Variants in MYLK4 observed in about 807,000 individuals in gnomAD.
MYLK4 encodes myosin light chain kinase family member 4, also known as caMLCK like.
Under a neutral mutation model 48.1 loss-of-function variants are expected in MYLK4, and 46 were observed. The ratio of observed to expected loss-of-function variants is 0.96; its 90% CI spans 0.75 to 1.22. MYLK4 has a LOEUF of 1.22. Among genes scored for constraint, MYLK4 ranks in the 50% most tolerant of loss-of-function variants. The pLI, the probability that MYLK4 is intolerant of heterozygous loss-of-function variation, is 0.00. For missense variants in MYLK4, 451 were observed against 486.1 expected (o/e 0.93, Z 0.68); for synonymous variants, 170 against 180.8 (o/e 0.94, Z 0.48).
chr6:2,765,872 GCCA>G, the MYLK4 span: 1 of 1,445,508 alleles, frequency 6.9e-7, no homozygotes, highest in South Asian at 1.3e-5. Flanking sequence ...GAAGCAGCCA[GCCA>G]CCCCGACGGC....
Position 2,749,172 on chromosome 6 carries a change from A to T in MYLK4, c.123T>A (p.Asn41Lys). The change falls in exon 2 of 13, where the codon AAT becomes AAA. Residue 41 changes from asparagine (N) to lysine (K), a missense_variant. Transcript: ENST00000274643. Reference sequence around the variant, plus strand: ...CAGATCTTGAATCCTGGTCCCCAGAATTTTTTTCCAGAAAACACTTCACTT... The same window carrying T: ...CAGATCTTGAATCCTGGTCCCCAGATTTTTTTTCCAGAAAACACTTCACTT... Reference protein sequence around the residue: ...VEKVKCFLEKNSGDQDSRSGH... With the variant: ...VEKVKCFLEKKSGDQDSRSGH... 2 of 1,613,802 alleles carry T rather than the reference A, an allele frequency of 1.2e-6. No homozygotes were observed. Among genetic ancestry groups the T allele is most frequent in the Non-Finnish European group, 1.7e-6 (2 of 1,179,884 alleles).
intron 3 of MYLK4, among the ~76,000 whole-genome samples, chr6:2,692,079 C>T (rs1322024601): frequency 6.6e-6 from 1 of 152,186 alleles, no homozygotes; most frequent in Non-Finnish European, 1.5e-5. Flanking sequence ...GTTCTCTTTT[C>T]TCCTCAGCTT....
At chr6:2,733,915 T>A (rs1298379593) in intron 2 of MYLK4, among the ~76,000 whole-genome samples, 2 of 152,068 alleles carry the variant, frequency 1.3e-5, no homozygotes, top group South Asian at 2.1e-4. Context: ...GTGATTCTTA[T>A]CTACAGTGGT....
chr6:2,690,898 C>T (rs1296263914), intron 3 of MYLK4, among the ~76,000 whole-genome samples: 5 of 139,980 alleles, frequency 3.6e-5, no homozygotes, highest in African/African-American at 1.1e-4. Context: ...GGCGCGATCT[C>T]GGCTCACTGC....
At chr6:2,736,980 TA>T (rs1226039899) in intron 2 of MYLK4, among the ~76,000 whole-genome samples, 1 of 152,210 alleles carries the variant, frequency 6.6e-6, no homozygotes, top group Non-Finnish European at 1.5e-5. Flanking sequence ...GTTCCTCCAA[TA>T]AAATAGTCTC....
chr6:2,713,612 C>T lies in MYLK4; in HGVS notation c.160-20753G>A, dbSNP rs76530163. On this transcript the variant is annotated intron_variant, in intron 2 of 12. Coordinates refer to ENST00000274643, the MANE Select transcript of MYLK4 (RefSeq NM_001012418.5). ...TACTTGGAACAACGCTCTCCCTTTA[C>T]GTAACAGGAGGCACAAAGCTGCCCT... 7.1e-3 allele frequency among the ~76,000 whole-genome samples: 1,075 copies of T among 152,246 alleles called. 11 individuals are homozygous for T. The highest frequency in any genetic ancestry group is 0.024 in the African/African-American group (997 of 41,544).
At chr6:2,740,677 C>T (rs2113356777) in intron 2 of MYLK4, among the ~76,000 whole-genome samples, 1 of 152,344 alleles carries the variant, frequency 6.6e-6, no homozygotes, top group East Asian at 1.9e-4. Context: ...GCTCTGCTTT[C>T]TGGTAGGAAC....
In MYLK4 at chr6:2,664,902, T is replaced by C. The variant is rs1760586214; in HGVS notation, c.*3023A>G. 1 of 152,206 alleles carries C rather than the reference T, an allele frequency of 6.6e-6. No individual in the cohort carries two copies. The highest frequency in any genetic ancestry group is 2.4e-5 in the African/African-American group (1 of 41,450). 9.4% of individuals were successfully genotyped at this position (152,206 alleles called of 1,614,324 possible). On this transcript the variant is annotated 3_prime_UTR_variant, in exon 13 of 13. Coordinates refer to ENST00000274643, the MANE Select transcript of MYLK4 (RefSeq NM_001012418.5). ...TGCCCTCCTCTCCCTGATTTTTAAA[T>C]AGCAACAGATTCTGGGTAAGTGTTG...
chr6:2,704,025 A>G (rs1277542685), intron 2 of MYLK4, among the ~76,000 whole-genome samples: 1 of 152,170 alleles, frequency 6.6e-6, no homozygotes, highest in Non-Finnish European at 1.5e-5. Flanking sequence ...TCTGTTGGCC[A>G]CACATCTTCG....
rs917201556 is a variant in MYLK4, at chr6:2,673,005, T to TA, written c.1120-1658dup. ...TTATAAAATGAAATTTATTTTTCAT[T>TA]AAAAAAAACCCATCATCACTCTTGA... is the stretch of plus-strand genomic sequence containing the variant. On this transcript the variant is annotated intron_variant, in intron 11 of 12. Coordinates refer to ENST00000274643, the MANE Select transcript of MYLK4 (RefSeq NM_001012418.5). This position sits in a 1 kb window ranked among gnomAD's most constrained non-coding sequence, Gnocchi z 4.2. Among the ~76,000 whole-genome samples, 1 of 152,064 alleles carries TA rather than the reference T, an allele frequency of 6.6e-6. No homozygotes were observed. Among genetic ancestry groups the TA allele is most frequent in the African/African-American group, 2.4e-5 (1 of 41,390 alleles).
Position 2,679,313 on chromosome 6 carries a change from T to G in MYLK4, c.854A>C (p.Asp285Ala). The stretch of plus-strand genomic sequence containing the variant: ...GGCGATGACCCCCACACTCCACATG[T>G]CAGTGGGAAATGAAACAAAATCATA... ...VNYDFVSFPT[D>A]MWSVGVIAYM... is the part of the protein sequence containing the mutation. The change falls in exon 9 of 13, where the codon GAC becomes GCC. Residue 285 changes from aspartate to alanine, a missense_variant. Coordinates refer to ENST00000274643, the MANE Select transcript of MYLK4 (RefSeq NM_001012418.5). 1 of 1,614,150 alleles carries G rather than the reference T, an allele frequency of 6.2e-7. No homozygotes were observed. Among genetic ancestry groups the G allele is most frequent in the Non-Finnish European group, 8.5e-7 (1 of 1,179,994 alleles).
intron 6 of MYLK4, among the ~76,000 whole-genome samples, chr6:2,683,903 G>C (rs1761424998): frequency 6.6e-6 from 1 of 152,174 alleles, no homozygotes; most frequent in Non-Finnish European, 1.5e-5. Context: ...GTGCTTCTCT[G>C]TGGCTGGTGC....
chr6:2,685,182 C>G lies in MYLK4; in HGVS notation c.545+114G>C. 1.4e-6 allele frequency: 1 copy of G among 737,566 alleles called. No homozygotes were observed. Among genetic ancestry groups the G allele is most frequent in the South Asian group, 1.6e-5 (1 of 64,008 alleles). The allele number at this position is 737,566 out of a possible 1,614,324, so 45.7% of individuals were successfully genotyped here. A position where few individuals can be genotyped will look rare whatever the true frequency, so the allele number is the denominator to read the frequency against. On this transcript the variant is annotated intron_variant, in intron 6 of 12. Coordinates refer to ENST00000274643, the MANE Select transcript of MYLK4 (RefSeq NM_001012418.5). This position sits in a 1 kb window ranked among gnomAD's most constrained non-coding sequence, Gnocchi z 4.5. ...TTGTGTGATCCGCGCGAATCAGAGT[C>G]TGCGGGGGCGAGCTTGGTTCTGGTC...
At chr6:2,735,571 T>G (rs546892553) in intron 2 of MYLK4, among the ~76,000 whole-genome samples, 3 of 152,310 alleles carry the variant, frequency 2.0e-5, no homozygotes, top group African/African-American at 7.2e-5. Flanking sequence ...AATGGACATG[T>G]CTCATGTGAA....
rs567818037 is a variant in MYLK4 at position 2,685,793 on chromosome 6, G to A, written c.342-217C>T. Among the ~76,000 whole-genome samples, 624 of 152,178 alleles carry A rather than the reference G, an allele frequency of 4.1e-3. 4 individuals carry two copies. The highest frequency in any genetic ancestry group is 0.014 in the African/African-American group (599 of 41,498). ...GCTGTTAAGAAAGCAGGTCTCGGCC[G>A]GGCACGGTGGCTCACACCTGTAATC... On this transcript the variant is annotated intron_variant, in intron 4 of 12. Coordinates refer to ENST00000274643, the MANE Select transcript of MYLK4 (RefSeq NM_001012418.5). This position sits in a 1 kb window ranked among gnomAD's most constrained non-coding sequence, Gnocchi z 4.5.
intron 9 of MYLK4, 50 bp from the exon 10 acceptor site, chr6:2,678,422 C>T: frequency 6.3e-7 from 1 of 1,579,002 alleles, no homozygotes; most frequent in South Asian, 1.2e-5. Context: ...GCCTCAACCC[C>T]TTTCCATACA....
chr6:2,768,452 G>A, the MYLK4 span, among the ~76,000 whole-genome samples: 1 of 152,208 alleles, frequency 6.6e-6, no homozygotes, highest in Admixed American at 6.5e-5. Flanking sequence ...TAGGGACAGA[G>A]GAGAAAAGGT....
chr6:2,757,554 A>G, the MYLK4 span, among the ~76,000 whole-genome samples: 1 of 152,172 alleles, frequency 6.6e-6, no homozygotes, highest in Non-Finnish European at 1.5e-5. Context: ...TGTTATATAT[A>G]AAACACTGAA....
At chr6:2,703,227 A>G (rs552862191) in intron 2 of MYLK4, among the ~76,000 whole-genome samples, 3 of 152,336 alleles carry the variant, frequency 2.0e-5, no homozygotes, top group Admixed American at 2.0e-4. Context: ...TTATTAGTGT[A>G]CAGACCAGGG....
Sources: allele counts gnomAD v4.1 joint callset (sites outside exome capture counted in the v4.1 genomes callset), GRCh38; gene constraint gnomAD v4.1.1; non-coding constraint Gnocchi (gnomAD v3.1); transcripts MANE v1.5; gene names NCBI Gene and HGNC (gene_info 2026-07-23, HGNC 2026-07-21).